PDE7B: variants seen among roughly 807,000 people sequenced by gnomAD.
The protein encoded by PDE7B is 3',5'-cyclic-AMP phosphodiesterase 7B.
In PDE7B, 29 loss-of-function variants were observed where a neutral mutation model predicts 56.2. The ratio of observed to expected loss-of-function variants is 0.52; its 90% confidence interval spans 0.38 to 0.70. PDE7B has a LOEUF of 0.70. Among genes scored for constraint, PDE7B ranks in the 30% least tolerant of loss-of-function variants. The pLI, the probability that PDE7B is intolerant of heterozygous loss-of-function variation, is 0.00. For synonymous variants in PDE7B, 197 were observed against 196.9 expected, an observed-to-expected ratio of 1.00 and a Z score of 0.00; for missense variants, 490 against 565.0, an observed-to-expected ratio of 0.87 and a Z score of 1.35.
At chr6:136,056,832 G>A (rs968691740) in intron 2 of PDE7B, among the ~76,000 whole-genome samples, 5 of 151,912 alleles carry the variant, frequency 3.3e-5, no homozygotes, top group African/African-American at 4.8e-5. Flanking sequence ...GCGCTTGGCC[G>A]ACTCCATCTT....
At chr6:136,064,923 T>A (rs1583860614) in intron 2 of PDE7B, among the ~76,000 whole-genome samples, 1 of 152,318 alleles carries the variant, frequency 6.6e-6, no homozygotes, top group Non-Finnish European at 1.5e-5. Context: ...TTGATAGAGA[T>A]GCTCAATAAA....
At chr6:136,171,050 G>A (rs946626945) in intron 8 of PDE7B, among the ~76,000 whole-genome samples, 3 of 152,134 alleles carry the variant, frequency 2.0e-5, no homozygotes, top group Non-Finnish European at 4.4e-5. Flanking sequence ...ACAAAATATT[G>A]CCTGAGGTCA....
At chr6:135,913,856 C>A (rs1776251984) in intron 1 of PDE7B, among the ~76,000 whole-genome samples, 1 of 152,124 alleles carries the variant, frequency 6.6e-6, no homozygotes, top group Non-Finnish European at 1.5e-5. Context: ...TTATCATTCC[C>A]AGTATGAGAA....
At chr6:136,080,092 A>T (rs922822930) in intron 2 of PDE7B, among the ~76,000 whole-genome samples, 2 of 152,180 alleles carry the variant, frequency 1.3e-5, no homozygotes, top group African/African-American at 4.8e-5. Context: ...AAAAACCTCC[A>T]TGTGTCCAGT....
intron 1 of PDE7B, among the ~76,000 whole-genome samples, chr6:135,859,596 TC>T (rs1775105912): frequency 6.6e-6 from 1 of 152,130 alleles, no homozygotes; most frequent in African/African-American, 2.4e-5. Context: ...GAAATATAGT[TC>T]AATGGCTTAT....
At chr6:135,969,508 A>G (rs1775055694) in intron 2 of PDE7B, among the ~76,000 whole-genome samples, 1 of 152,134 alleles carries the variant, frequency 6.6e-6, no homozygotes, top group South Asian at 2.1e-4. Flanking sequence ...AAGAGAAAAA[A>G]ACAAGCAAAG....
chr6:136,057,692 A>G (rs1339991037), intron 2 of PDE7B, among the ~76,000 whole-genome samples: 1 of 152,212 alleles, frequency 6.6e-6, no homozygotes, highest in Non-Finnish European at 1.5e-5. Flanking sequence ...CAAAGCTTTT[A>G]CTTGAATCTA....
At position 136,123,088 on chromosome 6, in the gene PDE7B, C is replaced by T. The variant is rs528681872; in HGVS notation, c.166+14274C>T. On this transcript the variant is annotated intron_variant, in intron 3 of 12. Coordinates refer to ENST00000308191, the MANE Select transcript of PDE7B (RefSeq NM_018945.4). The stretch of plus-strand genomic sequence containing the variant: ...GAAAGGCCTCTTCTCCATCTAGGTG[C>T]GGTGGCTAATCCCGCACTTTGGGAG... 8.4e-3 allele frequency among the ~76,000 whole-genome samples: 37 copies of T among 4,384 alleles called. 1 individual carries two copies. The highest frequency in any genetic ancestry group is 0.029 in the South Asian group (1 of 34). The allele number at this position is 4,384 out of a possible 152,430, so 2.9% of individuals were successfully genotyped here.
In PDE7B at chr6:136,169,726, A is replaced by G. The variant is rs192012639; in HGVS notation, c.712-4071A>G. ...GATTGAACATCTGTTACATCACACT[A>G]ATCTATCACTCTTCTCTCCTAAATC... On this transcript the variant is annotated intron_variant, in intron 8 of 12. Coordinates refer to ENST00000308191, the MANE Select transcript of PDE7B (RefSeq NM_018945.4). Among the ~76,000 whole-genome samples, 422 of 152,298 alleles carry G rather than the reference A, an allele frequency of 2.8e-3. 5 individuals carry two copies. Among genetic ancestry groups the G allele is most frequent in the Non-Finnish European group, 3.7e-4 (25 of 68,014 alleles).
At chr6:136,001,582 T>C (rs1417607528) in intron 2 of PDE7B, among the ~76,000 whole-genome samples, 3 of 151,822 alleles carry the variant, frequency 2.0e-5, no homozygotes, top group Admixed American at 1.3e-4. Flanking sequence ...ATGCGATCAA[T>C]TGGAAGAAAG....
At chr6:135,868,631 C>T (rs1775311510) in intron 1 of PDE7B, among the ~76,000 whole-genome samples, 1 of 152,080 alleles carries the variant, frequency 6.6e-6, no homozygotes, top group African/African-American at 2.4e-5. Context: ...AGGATTTTGC[C>T]CTGTTGGCCA....
At chr6:135,985,052 T>TA (rs1157721281) in intron 2 of PDE7B, among the ~76,000 whole-genome samples, 1 of 152,198 alleles carries the variant, frequency 6.6e-6, no homozygotes, top group Non-Finnish European at 1.5e-5. Context: ...GGAATGAAGT[T>TA]AAAGTCTTCT....
intron 2 of PDE7B, chr6:136,037,960 AGAG>A (rs989675555): frequency 3.0e-5 from 36 of 1,215,320 alleles, no homozygotes; most frequent in Non-Finnish European, 3.7e-5. Context: ...AGTGCCAGAG[AGAG>A]GAGGGGAAAA....
chr6:135,896,457 T>C (rs1775903400), intron 1 of PDE7B, among the ~76,000 whole-genome samples: 1 of 152,148 alleles, frequency 6.6e-6, no homozygotes, highest in South Asian at 2.1e-4. Context: ...ACGGCCTTGA[T>C]CTATTTTTCT....
chr6:136,014,489 C>G (rs1307714444), intron 2 of PDE7B, among the ~76,000 whole-genome samples: 1 of 152,124 alleles, frequency 6.6e-6, no homozygotes, highest in Non-Finnish European at 1.5e-5. Flanking sequence ...ATTAACATAT[C>G]TAGTGTGTGA....
At chr6:136,178,941 C>T (rs1451629375) in intron 9 of PDE7B, 56 bp from the exon 10 acceptor site, 6 of 1,576,638 alleles carry the variant, frequency 3.8e-6, no homozygotes, top group Non-Finnish European at 5.2e-6. Flanking sequence ...ATCAATCACC[C>T]TCATCAAAGG....
At chr6:135,886,052 T>C (rs999254156) in intron 1 of PDE7B, among the ~76,000 whole-genome samples, 1 of 152,172 alleles carries the variant, frequency 6.6e-6, no homozygotes, top group Admixed American at 6.6e-5. Flanking sequence ...CCTAACCTAA[T>C]ATCAACCCCC....
intron 2 of PDE7B, among the ~76,000 whole-genome samples, chr6:135,963,338 G>A (rs11154835): frequency 0.4 from 60,989 of 152,004 alleles, 12,453 homozygotes; most frequent in Admixed American, 0.53. Flanking sequence ...GGACCCAAAA[G>A]GCATAGTTTT....
At chr6:135,932,878 T>A (rs183100618) in intron 1 of PDE7B, among the ~76,000 whole-genome samples, 6 of 152,246 alleles carry the variant, frequency 3.9e-5, no homozygotes, top group Admixed American at 1.3e-4. Context: ...TAGCACAATA[T>A]CCAAAGTGGA....
Sources: gnomAD v4.1 joint callset for allele counts (sites outside exome capture counted in the v4.1 genomes callset) on GRCh38, gnomAD v4.1.1 for gene constraint, MANE v1.5 for transcripts, NCBI Gene and HGNC (gene_info 2026-07-23, HGNC 2026-07-21) for gene names.